FCHO2: variants seen among roughly 807,000 people sequenced by gnomAD.
FCHO2 encodes the protein FCH and mu domain containing endocytic adaptor 2.
In FCHO2, 43 loss-of-function variants were observed where a neutral mutation model predicts 114.1. The ratio of observed to expected loss-of-function variants is 0.38; its 90% confidence interval spans 0.30 to 0.49. The LOEUF (loss-of-function observed/expected upper bound fraction) is 0.49, where lower values mean the gene tolerates loss of function less well. FCHO2 is among the 20% of genes least tolerant of loss of function. FCHO2 has a pLI of 0.97. For synonymous variants in FCHO2, 293 were observed against 315.2 expected (o/e 0.93, Z 0.75); for missense variants, 807 against 950.4 (o/e 0.85, Z 1.98).
At chr5:73,065,840 G>A (rs570301040) in intron 18 of FCHO2, among the ~76,000 whole-genome samples, 1 of 151,978 alleles carries the variant, frequency 6.6e-6, no homozygotes, top group Non-Finnish European at 1.5e-5. Flanking sequence ...CCCATTAACT[G>A]AGTAGTGAAT....
intron 8 of FCHO2, among the ~76,000 whole-genome samples, chr5:73,019,870 G>A (rs148503384): frequency 3.9e-5 from 6 of 152,244 alleles, no homozygotes; most frequent in Non-Finnish European, 8.8e-5. Flanking sequence ...CTGCACTAAC[G>A]AGGAGCCATG....
chr5:73,070,497 C>T (rs957499991), intron 19 of FCHO2, among the ~76,000 whole-genome samples: 2 of 149,798 alleles, frequency 1.3e-5, no homozygotes, highest in Admixed American at 6.7e-5. Flanking sequence ...TATTTTAGTC[C>T]TAAAAAACCT....
rs1410873241 is a variant in FCHO2 at position 73,081,882 on chromosome 5, C to G, written c.2080C>G (p.Pro694Ala). 6.2e-7 allele frequency: 1 copy of G among 1,612,728 alleles called. No homozygotes were observed. Among genetic ancestry groups the G allele is most frequent in the African/African-American group, 1.3e-5 (1 of 74,996 alleles). ...TCTTAGAGTGGATTATAAATACAAT[C>G]CAGAAGCTATGGTGGCACCTAGTGT... ...TDLRVDYKYN[P>A]EAMVAPSVLS... Residue 694 changes from proline (P) to alanine (A), a missense_variant, in exon 23 of 26, where the codon CCA (proline) becomes GCA (alanine). Pro to Ala is a conservative substitution (Grantham distance 27). Coordinates refer to ENST00000430046, the MANE Select transcript of FCHO2 (RefSeq NM_138782.3).
intron 20 of FCHO2, 138 bp downstream of exon 20, chr5:73,074,991 T>G (rs1742842823): frequency 1.5e-6 from 1 of 665,058 alleles, no homozygotes; most frequent in African/African-American, 1.8e-5. Context: ...TTTACCTGCT[T>G]TTTTGCTATC....
chr5:72,960,185 C>G (rs984238686), intron 1 of FCHO2, among the ~76,000 whole-genome samples: 1 of 152,168 alleles, frequency 6.6e-6, no homozygotes, highest in Non-Finnish European at 1.5e-5. Context: ...AAGTTTGAAT[C>G]GTTGAAACTC....
chr5:73,078,630 AGTAGATCCT>A (rs2112891108), intron 22 of FCHO2, among the ~76,000 whole-genome samples: 1 of 152,356 alleles, frequency 6.6e-6, no homozygotes, highest in East Asian at 1.9e-4. Flanking sequence ...GATGCCCATT[AGTAGATCCT>A]GTTAGTATAT....
intron 5 of FCHO2, among the ~76,000 whole-genome samples, chr5:73,003,281 G>C (rs1409237738): frequency 2.6e-5 from 4 of 152,054 alleles, no homozygotes; most frequent in South Asian, 2.1e-4. Context: ...CCTAAGAGCT[G>C]GGGTTACAGG....
At chr5:73,035,885 C>T (rs1168202370) in intron 9 of FCHO2, among the ~76,000 whole-genome samples, 4 of 152,008 alleles carry the variant, frequency 2.6e-5, no homozygotes, top group African/African-American at 9.7e-5. Context: ...GCTCTGTCAC[C>T]CAGGCTGGAG....
rs1266751608 is a variant in FCHO2 at position 72,957,326 on chromosome 5, A to G, written c.33+1197A>G. 3.3e-5 allele frequency among the ~76,000 whole-genome samples: 5 copies of G among 152,170 alleles called. No individual in the cohort carries two copies. The East Asian group carries it at 9.6e-4, about 29-fold the overall frequency. The stretch of plus-strand genomic sequence containing the variant: ...GTGTAAACATCACCATATCAGTTTT[A>G]CAACAATTTCGTTATCCCAGAAAGA... On this transcript the variant is annotated intron_variant, in intron 1 of 25. Transcript: ENST00000430046.
At chr5:73,036,125 C>T (rs771430631) in intron 9 of FCHO2, among the ~76,000 whole-genome samples, 2 of 152,010 alleles carry the variant, frequency 1.3e-5, no homozygotes, top group Non-Finnish European at 2.9e-5. Context: ...GGATTATAGG[C>T]GAGATCCACC....
chr5:73,017,242 A>G lies in FCHO2; in HGVS notation c.730A>G (p.Asn244Asp). Residue 244 changes from asparagine (N) to aspartate (D), a missense_variant, in exon 8 of 26, where the codon AAT (asparagine) becomes GAT (aspartate). Coordinates refer to ENST00000430046, the MANE Select transcript of FCHO2 (RefSeq NM_138782.3). ...TGAAGAATTTATAAATAACATGGCT[A>G]ATACTACAGTTGAAAGTTTGATACA... ...VHEEFINNMANTTVESLIQKF... is the reference protein window; with the variant it reads ...VHEEFINNMADTTVESLIQKF... The G allele has an allele frequency of 6.4e-7, 1 of 1,556,150 alleles. No individual in the cohort carries two copies. Among genetic ancestry groups the G allele is most frequent in the Non-Finnish European group, 8.7e-7 (1 of 1,149,290 alleles).
intron 8 of FCHO2, among the ~76,000 whole-genome samples, chr5:73,022,442 G>A (rs1755677280): frequency 6.6e-6 from 1 of 151,852 alleles, no homozygotes; most frequent in Non-Finnish European, 1.5e-5. Flanking sequence ...GGCTTCCTGG[G>A]CTCTTTTTAC....
intron 8 of FCHO2, among the ~76,000 whole-genome samples, chr5:73,027,405 GTTAATT>G (rs1412944616): frequency 6.7e-6 from 1 of 150,086 alleles, no homozygotes; most frequent in East Asian, 1.9e-4. Flanking sequence ...AAGAGCAAAA[GTTAATT>G]TTGATGAAGT....
intron 2 of FCHO2, among the ~76,000 whole-genome samples, chr5:72,970,799 A>G (rs1752503902): frequency 6.6e-6 from 1 of 152,012 alleles, no homozygotes; most frequent in Admixed American, 6.6e-5. Flanking sequence ...CGCTGCACCC[A>G]CTAACTCGTC....
At chr5:73,022,126 T>G (rs752389316) in intron 8 of FCHO2, among the ~76,000 whole-genome samples, 4 of 152,200 alleles carry the variant, frequency 2.6e-5, no homozygotes, top group Non-Finnish European at 5.9e-5. Flanking sequence ...TAAGTGTAGA[T>G]ATGTTGACAT....
chr5:72,971,552 G>T (rs1403970182), intron 2 of FCHO2, among the ~76,000 whole-genome samples: 3 of 152,054 alleles, frequency 2.0e-5, no homozygotes, highest in Admixed American at 6.6e-5. Flanking sequence ...GGGGTTGTTT[G>T]TTTTTTTCTT....
intron 8 of FCHO2, among the ~76,000 whole-genome samples, chr5:73,025,742 A>G (rs1019557929): frequency 2.0e-5 from 3 of 152,224 alleles, no homozygotes; most frequent in African/African-American, 4.8e-5. Context: ...ACTCACTGCA[A>G]TAACAAAACT....
intron 2 of FCHO2, among the ~76,000 whole-genome samples, chr5:72,971,653 C>T (rs1187486023): frequency 1.3e-5 from 2 of 152,076 alleles, no homozygotes; most frequent in Non-Finnish European, 2.9e-5. Flanking sequence ...TTGTAGGTTG[C>T]CTGTTCACTC....
Position 72,995,173 on chromosome 5 carries a change from GAAAT to G in FCHO2, c.495+4312_495+4315del, listed in dbSNP as rs138932564. Among the ~76,000 whole-genome samples, 1,055 of 152,104 alleles carry G rather than the reference GAAAT, an allele frequency of 6.9e-3. 7 individuals carry two copies. The highest frequency in any genetic ancestry group is 0.025 in the African/African-American group (1,031 of 41,518). On this transcript the variant is annotated intron_variant, in intron 5 of 25. Coordinates refer to ENST00000430046, the MANE Select transcript of FCHO2 (RefSeq NM_138782.3). ...ACAGAAAACTGAAAATAATTTGAAA[GAAAT>G]AATCATAATACATATAAATGTCTTG...
Sources: gnomAD v4.1 joint callset for allele counts (sites outside exome capture counted in the v4.1 genomes callset) on GRCh38, gnomAD v4.1.1 for gene constraint, MANE v1.5 for transcripts, NCBI Gene and HGNC (gene_info 2026-07-23, HGNC 2026-07-21) for gene names.